The following DENND2B variants were observed in gnomAD, a reference collection of about 807,000 sequenced individuals.
The protein encoded by DENND2B is DENN domain-containing protein 2B.
A neutral mutation model predicts 116.0 loss-of-function variants in DENND2B; 32 were observed. The observed-to-expected ratio is 0.28, with a 90% CI of 0.21 to 0.37. The LOEUF (loss-of-function observed/expected upper bound fraction) is 0.37, where lower values mean the gene tolerates loss of function less well. DENND2B is among the 10% of genes least tolerant of loss of function. The pLI is 1.00. For missense variants in DENND2B, 1,276 were observed against 1,477.7 expected (o/e 0.86, Z 2.24); for synonymous variants, 588 against 583.9 (o/e 1.01, Z -0.10).
At chr11:8,828,521 G>T (rs374832309) in intron 4 of DENND2B, among the ~76,000 whole-genome samples, 28 of 152,160 alleles carry the variant, frequency 1.8e-4, no homozygotes, top group African/African-American at 6.5e-4. Flanking sequence ...GACACCAAAG[G>T]GGACCCTCAT....
chr11:8,791,116 G>A (rs572416391), intron 1 of DENND2B, among the ~76,000 whole-genome samples: 4 of 152,112 alleles, frequency 2.6e-5, no homozygotes, highest in Admixed American at 1.3e-4. Flanking sequence ...ACCCTTTCTG[G>A]GTCTTAATAC....
At chr11:8,831,000 C>G (rs1237972369) in intron 4 of DENND2B, 1 of 152,196 alleles carries the variant, frequency 6.6e-6, no homozygotes, top group Non-Finnish European at 1.5e-5. Context: ...CAAATTAAGC[C>G]CCATCTGTTC....
intron 1 of DENND2B, among the ~76,000 whole-genome samples, chr11:8,889,944 C>G (rs1277642830): frequency 6.6e-6 from 1 of 152,210 alleles, no homozygotes; most frequent in Non-Finnish European, 1.5e-5. Context: ...AGACTGCCTC[C>G]TCAAGTGGAT....
chr11:8,813,538 A>G (rs2061465671), upstream of DENND2B, among the ~76,000 whole-genome samples: 2 of 152,210 alleles, frequency 1.3e-5, no homozygotes, highest in Admixed American at 6.5e-5. Context: ...CCATCCTGAG[A>G]AAGAAGGGGT....
intron 3 of DENND2B, among the ~76,000 whole-genome samples, chr11:8,850,403 C>T (rs1185265686): frequency 6.6e-6 from 1 of 151,798 alleles, no homozygotes; most frequent in Non-Finnish European, 1.5e-5. Context: ...AGACGTTTTT[C>T]AGAAGAAGAT....
At chr11:8,858,658 T>A (rs1260700675) in intron 2 of DENND2B, among the ~76,000 whole-genome samples, 2 of 152,116 alleles carry the variant, frequency 1.3e-5, no homozygotes, top group African/African-American at 2.4e-5. Context: ...GGGTAAAAAA[T>A]ATATATATTC....
chr11:8,892,794 TCA>T (rs1594349481), intron 1 of DENND2B, among the ~76,000 whole-genome samples: 1 of 152,186 alleles, frequency 6.6e-6, no homozygotes. Context: ...CCAAATGGAT[TCA>T]CAGTCGAATT....
chr11:8,803,850 G>T (rs772530017), intron 1 of DENND2B, among the ~76,000 whole-genome samples: 14 of 152,322 alleles, frequency 9.2e-5, no homozygotes, highest in Middle Eastern at 3.4e-3. Context: ...GCTCTAAGCT[G>T]CATCTGGAAG....
chr11:8,798,222 A>G (rs1383128619), intron 1 of DENND2B, among the ~76,000 whole-genome samples: 1 of 152,210 alleles, frequency 6.6e-6, no homozygotes, highest in Non-Finnish European at 1.5e-5. Context: ...AGTTATCTCT[A>G]CCTCCTCGGC....
chr11:8,824,852 T>TG (rs1478224419), intron 4 of DENND2B, among the ~76,000 whole-genome samples: 2 of 45,552 alleles, frequency 4.4e-5, no homozygotes, highest in African/African-American at 9.9e-5. Flanking sequence ...CACACCCAGC[T>TG]ATTTTTTTTT....
In DENND2B at chr11:8,856,720, C is replaced by A. The variant is rs528758995; in HGVS notation, c.-156+623G>T. Among the ~76,000 whole-genome samples, 44 of 152,076 alleles carry A rather than the reference C, an allele frequency of 2.9e-4. No homozygotes were observed. In the South Asian group the frequency reaches 8.8e-3, roughly 30 times the overall value. On this transcript the variant is annotated intron_variant, in intron 3 of 6. Coordinates refer to the DENND2B transcript ENST00000524757. Reference sequence around the variant, plus strand: ...CTGCTCCCATTCATTTCCGTCTGTTCCTTCAGTCTCTCCTCACTCTATCAC... The same window carrying A: ...CTGCTCCCATTCATTTCCGTCTGTTACTTCAGTCTCTCCTCACTCTATCAC...
intron 2 of DENND2B, among the ~76,000 whole-genome samples, chr11:8,880,819 C>G (rs2063896925): frequency 6.6e-6 from 1 of 152,202 alleles, no homozygotes; most frequent in Non-Finnish European, 1.5e-5. Flanking sequence ...CCCACAGCAA[C>G]TGTCCCAAGC....
At chr11:8,765,911 T>G (rs1446598472) in intron 1 of DENND2B, among the ~76,000 whole-genome samples, 2 of 151,988 alleles carry the variant, frequency 1.3e-5, no homozygotes, top group Non-Finnish European at 2.9e-5. Flanking sequence ...TGGTGGTGCC[T>G]GCCTGTAGTC....
chr11:8,833,280 A>G (rs2062289502), intron 4 of DENND2B, among the ~76,000 whole-genome samples: 1 of 152,220 alleles, frequency 6.6e-6, no homozygotes. Flanking sequence ...CAGGAGAAGG[A>G]GCAGAACACA....
In DENND2B at chr11:8,836,553, C is replaced by G. The variant is rs577554814; in HGVS notation, c.-115+2757G>C. ...TCTCCTGTCTCAGCCTCCCAAGTAG[C>G]TGTGATTACAGGCATTCGCCACCAT... is the stretch of plus-strand genomic sequence containing the variant. On this transcript the variant is annotated intron_variant, in intron 4 of 6. Transcript: ENST00000524757. Among the ~76,000 whole-genome samples the G allele has an allele frequency of 2.0e-5, 3 of 151,142 alleles. No individual in the cohort carries two copies. In the East Asian group the frequency reaches 5.9e-4, roughly 30 times the overall value.
At chr11:8,744,356 A>C (rs1213694690) in intron 2 of DENND2B, among the ~76,000 whole-genome samples, 2 of 151,686 alleles carry the variant, frequency 1.3e-5, no homozygotes, top group Non-Finnish European at 2.9e-5. Flanking sequence ...CTGGTCTCGA[A>C]CTCCTGATCT....
chr11:8,850,526 C>T (rs1399986956), intron 3 of DENND2B, among the ~76,000 whole-genome samples: 1 of 151,510 alleles, frequency 6.6e-6, no homozygotes, highest in African/African-American at 2.4e-5. Flanking sequence ...ATGGCTACCA[C>T]CAAAACGACA....
chr11:8,751,225 G>T (rs2052400851), intron 1 of DENND2B, among the ~76,000 whole-genome samples: 1 of 152,042 alleles, frequency 6.6e-6, no homozygotes, highest in African/African-American at 2.4e-5. Context: ...AATCTAGTGG[G>T]GAGGTGGAGA....
intron 1 of DENND2B, among the ~76,000 whole-genome samples, chr11:8,780,752 C>G (rs1238661891): frequency 6.6e-6 from 1 of 152,152 alleles, no homozygotes; most frequent in African/African-American, 2.4e-5. Flanking sequence ...TGAAGCAATA[C>G]TCAGAGGTCT....
Sources: gnomAD v4.1 joint callset for allele counts (sites outside exome capture counted in the v4.1 genomes callset) on GRCh38, gnomAD v4.1.1 for gene constraint, MANE v1.5 for transcripts, NCBI Gene and HGNC (gene_info 2026-07-23, HGNC 2026-07-21) for gene names.